ABTB3: variants seen among roughly 807,000 people sequenced by gnomAD.
ABTB3 encodes ankyrin repeat- and BTB/POZ domain-containing protein 3.
chr12:107,579,230 C>T, the ABTB3 span, among the ~76,000 whole-genome samples: 1 of 152,146 alleles, frequency 6.6e-6, no homozygotes, highest in African/African-American at 2.4e-5. Context: ...AGGAATCAGC[C>T]CATTGCATGC....
chr12:107,644,761 A>G, the ABTB3 span, among the ~76,000 whole-genome samples: 1 of 151,990 alleles, frequency 6.6e-6, no homozygotes, highest in South Asian at 2.1e-4. Context: ...CCTGGTGGCT[A>G]TTGTTCCCTT....
the ABTB3 span, among the ~76,000 whole-genome samples, chr12:107,576,395 CA>C: frequency 6.6e-6 from 1 of 152,210 alleles, no homozygotes; most frequent in Non-Finnish European, 1.5e-5. Context: ...AAGCTGCTGG[CA>C]GGGTTGTCTT....
At chr12:107,506,373 T>G in the ABTB3 span, among the ~76,000 whole-genome samples, 1 of 152,084 alleles carries the variant, frequency 6.6e-6, no homozygotes, top group Non-Finnish European at 1.5e-5. Flanking sequence ...AAAAGGCAGT[T>G]GAAAAACTGG....
the ABTB3 span, among the ~76,000 whole-genome samples, chr12:107,548,686 G>A: frequency 3.3e-5 from 5 of 152,146 alleles, no homozygotes; most frequent in Admixed American, 2.0e-4. Context: ...TAATATTTAC[G>A]ATTAGGTGAT....
chr12:107,449,552 G>A, the ABTB3 span, among the ~76,000 whole-genome samples: 5 of 152,146 alleles, frequency 3.3e-5, no homozygotes, highest in Non-Finnish European at 7.3e-5. Flanking sequence ...TGGCCACCGA[G>A]CAAAATAGCA....
chr12:107,634,944 AGAGTACT>A, the ABTB3 span: 1 of 177,898 alleles, frequency 5.6e-6, no homozygotes, highest in African/African-American at 2.4e-5. Context: ...CCAGAATTTT[AGAGTACT>A]GGTAAAGGTG....
the ABTB3 span, among the ~76,000 whole-genome samples, chr12:107,534,254 A>T: frequency 6.6e-6 from 1 of 152,038 alleles, no homozygotes; most frequent in African/African-American, 2.4e-5. Context: ...ACACAAATAA[A>T]AATGGAAACA....
chr12:107,474,386 T>C, the ABTB3 span, among the ~76,000 whole-genome samples: 1 of 152,276 alleles, frequency 6.6e-6, no homozygotes, highest in African/African-American at 2.4e-5. Flanking sequence ...CGGAGCAGCA[T>C]AATTTATAAC....
the ABTB3 span, among the ~76,000 whole-genome samples, chr12:107,623,612 T>C: frequency 4.1e-4 from 62 of 151,226 alleles, no homozygotes; most frequent in Admixed American, 1.5e-3. Flanking sequence ...GGTGATCTAC[T>C]TGCCTCGACC....
At chr12:107,351,155 G>A in the ABTB3 span, among the ~76,000 whole-genome samples, 1 of 152,196 alleles carries the variant, frequency 6.6e-6, no homozygotes, top group African/African-American at 2.4e-5. Context: ...TTAGTGCCAG[G>A]CACTCTGCCA....
the ABTB3 span, chr12:107,659,593 T>C: frequency 2.0e-5 from 3 of 152,240 alleles, no homozygotes; most frequent in Non-Finnish European, 4.4e-5. Context: ...AGGCTTCTGT[T>C]ATCATTTGGT....
At chr12:107,465,890 T>A in the ABTB3 span, among the ~76,000 whole-genome samples, 1 of 152,226 alleles carries the variant, frequency 6.6e-6, no homozygotes, top group Non-Finnish European at 1.5e-5. Context: ...TCTGCGTTCG[T>A]ACTGCCTCTC....
chr12:107,590,798 G>A, the ABTB3 span, among the ~76,000 whole-genome samples: 1 of 152,172 alleles, frequency 6.6e-6, no homozygotes, highest in Non-Finnish European at 1.5e-5. Flanking sequence ...TATGTAGTTT[G>A]CCATGTGGGA....
the ABTB3 span, among the ~76,000 whole-genome samples, chr12:107,516,286 A>G: frequency 8.4e-3 from 1,272 of 151,584 alleles, 14 homozygotes; most frequent in Non-Finnish European, 0.014. Context: ...GCTGGAGTGC[A>G]GTGACATGAT....
the ABTB3 span, chr12:107,635,227 G>A: frequency 6.6e-7 from 1 of 1,507,300 alleles, no homozygotes; most frequent in Non-Finnish European, 9.1e-7. Flanking sequence ...CTGGGGCACA[G>A]CTTGACTGAG....
the ABTB3 span, among the ~76,000 whole-genome samples, chr12:107,515,857 C>T: frequency 3.3e-5 from 5 of 152,086 alleles, no homozygotes; most frequent in South Asian, 2.1e-4. Flanking sequence ...TTTCAGACTG[C>T]CCATGTCGAC....
the ABTB3 span, among the ~76,000 whole-genome samples, chr12:107,570,798 T>A: frequency 6.6e-6 from 1 of 152,188 alleles, no homozygotes; most frequent in African/African-American, 2.4e-5. Context: ...CATTGCCTCC[T>A]ACCAGTCCCT....
At chr12:107,655,460 G>A in the ABTB3 span, among the ~76,000 whole-genome samples, 15 of 152,270 alleles carry the variant, frequency 9.9e-5, no homozygotes, top group South Asian at 3.1e-3. Flanking sequence ...CCTGTGCTGT[G>A]GATGCTGCAG....
chr12:107,432,445 A>T, the ABTB3 span, among the ~76,000 whole-genome samples: 1 of 152,196 alleles, frequency 6.6e-6, no homozygotes, highest in Non-Finnish European at 1.5e-5. Flanking sequence ...TACCTTAGGG[A>T]TGCCCTGGCT....
Sources: gnomAD v4.1 joint callset for allele counts (sites outside exome capture counted in the v4.1 genomes callset) on GRCh38, gnomAD v4.1.1 for gene constraint, MANE v1.5 for transcripts, NCBI Gene and HGNC (gene_info 2026-07-23, HGNC 2026-07-21) for gene names.